The following TFAP2D variants were observed in gnomAD, a reference collection of about 807,000 sequenced individuals.
TFAP2D encodes the protein transcription factor AP-2-delta.
In TFAP2D, 9 loss-of-function variants were observed where a neutral mutation model predicts 43.6. The observed-to-expected ratio is 0.21, with a 90% CI of 0.12 to 0.36. The LOEUF (loss-of-function observed/expected upper bound fraction) is 0.36, where lower values mean the gene tolerates loss of function less well. Among genes scored for constraint, TFAP2D ranks in the 10% least tolerant of loss-of-function variants. The probability of loss-of-function intolerance (pLI) is 1.00; values close to 1 mark genes in which losing one functional copy is unlikely to be tolerated. For synonymous variants in TFAP2D, 256 were observed against 224.9 expected (o/e 1.14, Z -1.24); for missense variants, 513 against 561.4 (o/e 0.91, Z 0.87).
At chr6:50,725,297 G>A (rs911774734) in intron 3 of TFAP2D, among the ~76,000 whole-genome samples, 8 of 152,188 alleles carry the variant, frequency 5.3e-5, no homozygotes, top group African/African-American at 1.9e-4. Flanking sequence ...CCATGTCCTA[G>A]GCAAAGGACC....
chr6:50,746,227 T>TTTTGTTTG lies in TFAP2D; in HGVS notation c.1025+1000_1025+1007dup, dbSNP rs3830761. Among the ~76,000 whole-genome samples the TTTTGTTTG allele has an allele frequency of 7.9e-3, 1,195 of 151,056 alleles. 14 individuals carry two copies. The highest frequency in any genetic ancestry group is 0.026 in the African/African-American group (1,062 of 41,230). ...CTAATTTTTTATTCAGGGAAAAGTA[T>TTTTGTTTG]TTTGTTTGTTTGTTTGTTTGTTTGT... On this transcript the variant is annotated intron_variant, in intron 6 of 7. Coordinates refer to ENST00000008391, the MANE Select transcript of TFAP2D (RefSeq NM_172238.4).
At chr6:50,719,013 G>C in intron 2 of TFAP2D, 77 bp from the exon 3 acceptor site, 1 of 1,402,600 alleles carries the variant, frequency 7.1e-7, no homozygotes, top group Non-Finnish European at 1.0e-6. Flanking sequence ...GGATGGGCTA[G>C]TCTAAAAGAC....
At chr6:50,747,512 T>G (rs1769140764) in intron 6 of TFAP2D, among the ~76,000 whole-genome samples, 1 of 152,122 alleles carries the variant, frequency 6.6e-6, no homozygotes, top group South Asian at 2.1e-4. Flanking sequence ...TCATGCATAT[T>G]CAAAGACCTT....
At chr6:50,757,335 T>C (rs1343993250) in intron 7 of TFAP2D, among the ~76,000 whole-genome samples, 1 of 139,872 alleles carries the variant, frequency 7.1e-6, no homozygotes. Context: ...GATATATATA[T>C]CTATATAGAG....
chr6:50,755,222 T>C (rs2113888211), intron 7 of TFAP2D, among the ~76,000 whole-genome samples: 1 of 152,098 alleles, frequency 6.6e-6, no homozygotes, highest in Non-Finnish European at 1.5e-5. Flanking sequence ...GCATTTCCAA[T>C]TGAAACCCAA....
intron 5 of TFAP2D, among the ~76,000 whole-genome samples, chr6:50,734,955 G>A (rs926210253): frequency 1.3e-5 from 2 of 152,044 alleles, no homozygotes; most frequent in Admixed American, 6.6e-5. Flanking sequence ...CCTAATGTGT[G>A]GTTTCTGGAG....
intron 7 of TFAP2D, among the ~76,000 whole-genome samples, chr6:50,756,638 G>T (rs1030304602): frequency 6.6e-6 from 1 of 151,994 alleles, no homozygotes; most frequent in South Asian, 2.1e-4. Flanking sequence ...AAAGCTTCTT[G>T]TTTCCATCAA....
intron 2 of TFAP2D, chr6:50,718,097 T>C (rs1768656006): frequency 6.6e-6 from 1 of 151,872 alleles, no homozygotes. Context: ...CCATCACCGC[T>C]TTAATTTATG....
Position 50,718,418 on chromosome 6 carries a change from A to G in TFAP2D, c.538-672A>G, listed in dbSNP as rs1359513098. Among the ~76,000 whole-genome samples the G allele has an allele frequency of 3.3e-5, 5 of 152,192 alleles. 1 individual carries two copies. In the East Asian group the frequency reaches 9.6e-4, roughly 29 times the overall value. ...TTGTAAAGGAAAATGAGCCTTTAAC[A>G]CATTTTGATTTGGGAAAAAAGAAAA... On this transcript the variant is annotated intron_variant, in intron 2 of 7. Transcript: ENST00000008391.
chr6:50,740,622 A>G (rs1438449603), intron 5 of TFAP2D, among the ~76,000 whole-genome samples: 1 of 151,988 alleles, frequency 6.6e-6, no homozygotes, highest in East Asian at 1.9e-4. Context: ...TATTTTTAAT[A>G]GAGATGGGGT....
At chr6:50,740,016 G>A (rs572864042) in intron 5 of TFAP2D, among the ~76,000 whole-genome samples, 1 of 152,196 alleles carries the variant, frequency 6.6e-6, no homozygotes, top group East Asian at 1.9e-4. Flanking sequence ...TGTAAGTCAG[G>A]GCATCAGATA....
At chr6:50,771,361 T>A (rs6932224) in intron 7 of TFAP2D, among the ~76,000 whole-genome samples, 1 of 152,034 alleles carries the variant, frequency 6.6e-6, no homozygotes, top group Non-Finnish European at 1.5e-5. Flanking sequence ...TGTTACATTG[T>A]GGGTAGGTTA....
intron 7 of TFAP2D, among the ~76,000 whole-genome samples, chr6:50,754,909 A>G (rs909726691): frequency 2.0e-5 from 3 of 151,394 alleles, no homozygotes; most frequent in Admixed American, 6.6e-5. Context: ...CATTCTGTAC[A>G]TTTCTTTATT....
At chr6:50,729,444 C>A in intron 5 of TFAP2D, 132 bp downstream of exon 5, 1 of 658,640 alleles carries the variant, frequency 1.5e-6, no homozygotes, top group South Asian at 2.2e-5. Context: ...GGTAAATTTC[C>A]TAAATTATCT....
rs756196975 is a variant in TFAP2D at position 50,715,617 on chromosome 6, A to G, written c.537+4A>G. 11 of 1,587,654 alleles carry G rather than the reference A, an allele frequency of 6.9e-6. No individual in the cohort carries two copies. In the Admixed American group the frequency reaches 1.9e-4, roughly 27 times the overall value. On this transcript the variant is annotated splice_donor_region_variant and intron_variant, in intron 2 of 7. Coordinates refer to ENST00000008391, the MANE Select transcript of TFAP2D (RefSeq NM_172238.4). ...CGCGGGAGCAGACGACTTGCAGGTAAATAAGCATGCAGCGAATTTGTCTGC... is the reference window on the plus strand; with the variant it reads ...CGCGGGAGCAGACGACTTGCAGGTAGATAAGCATGCAGCGAATTTGTCTGC...
At chr6:50,717,834 A>G (rs1008547528) in intron 2 of TFAP2D, among the ~76,000 whole-genome samples, 13 of 152,204 alleles carry the variant, frequency 8.5e-5, no homozygotes, top group Admixed American at 6.5e-4. Context: ...ATGGGGAGGG[A>G]GTGTGTGGGA....
intron 5 of TFAP2D, among the ~76,000 whole-genome samples, chr6:50,734,728 G>C (rs1312620921): frequency 1.3e-5 from 2 of 152,034 alleles, no homozygotes; most frequent in Non-Finnish European, 1.5e-5. Flanking sequence ...ATGACAGTGG[G>C]ATATGCTAGA....
chr6:50,772,977 C>T lies in TFAP2D; in HGVS notation c.*113C>T. The stretch of plus-strand genomic sequence containing the variant: ...GGACCAAATCTCTACCCTTCCCCAA[C>T]CCTCCATAAAAAAACAAAAATGGAA... On this transcript the variant is annotated 3_prime_UTR_variant, in exon 8 of 8. Transcript: ENST00000008391. 1 of 936,324 alleles carries T rather than the reference C, an allele frequency of 1.1e-6. No homozygotes were observed. Among genetic ancestry groups the T allele is most frequent in the Non-Finnish European group, 1.5e-6 (1 of 675,486 alleles). 58.0% of individuals were successfully genotyped at this position (936,324 alleles called of 1,614,324 possible). A position where few individuals can be genotyped will look rare whatever the true frequency, so the allele number is the denominator to read the frequency against.
chr6:50,715,743 T>TCACACA lies in TFAP2D; in HGVS notation c.537+131_537+132insACACAC, dbSNP rs1327376048. 159 of 676,022 alleles carry TCACACA rather than the reference T, an allele frequency of 2.4e-4. No individual in the cohort carries two copies. The African/African-American group carries it at 2.5e-3, about 11-fold the overall frequency. 41.9% of individuals were successfully genotyped at this position (676,022 alleles called of 1,614,324 possible). A position where few individuals can be genotyped will look rare whatever the true frequency, so the allele number is the denominator to read the frequency against. On this transcript the variant is annotated intron_variant, in intron 2 of 7. Coordinates refer to ENST00000008391, the MANE Select transcript of TFAP2D (RefSeq NM_172238.4). The stretch of plus-strand genomic sequence containing the variant: ...TCTCCTCTCTCTCTCTCTCTCTCTC[T>TCACACA]CTCTCTCACACACACACACACACAC...
Sources: gnomAD v4.1 joint callset for allele counts (sites outside exome capture counted in the v4.1 genomes callset) on GRCh38, gnomAD v4.1.1 for gene constraint, MANE v1.5 for transcripts, NCBI Gene and HGNC (gene_info 2026-07-23, HGNC 2026-07-21) for gene names.